CRACD: variants seen among roughly 807,000 people sequenced by gnomAD.
CRACD encodes capping protein-inhibiting regulator of actin dynamics.
In CRACD, 56 loss-of-function variants were observed where a neutral mutation model predicts 106.8. That is an observed-to-expected ratio of 0.52 (90% CI 0.42 to 0.66). CRACD has a LOEUF of 0.66. Ranked by LOEUF, CRACD falls within the 30% of genes least tolerant of loss-of-function variation. CRACD has a pLI of 0.00. For missense variants in CRACD, 1,730 were observed against 1,623.2 expected (o/e 1.07, Z -1.13); for synonymous variants, 754 against 670.8 (o/e 1.12, Z -1.92).
At chr4:56,068,113 G>C (rs1435620989) in intron 1 of CRACD, among the ~76,000 whole-genome samples, 1 of 152,162 alleles carries the variant, frequency 6.6e-6, no homozygotes, top group Non-Finnish European at 1.5e-5. Flanking sequence ...AGAAGGATCA[G>C]GCATAGGAGG....
intron 1 of CRACD, among the ~76,000 whole-genome samples, chr4:56,168,759 A>G (rs1189982672): frequency 6.6e-6 from 1 of 151,456 alleles, no homozygotes; most frequent in Non-Finnish European, 1.5e-5. Flanking sequence ...CCCTAGAAAG[A>G]CACAAAGACA....
rs558374782 is a variant in CRACD at position 56,233,124 on chromosome 4, G to T, written c.-188-39197G>T. Among the ~76,000 whole-genome samples, 7 of 116,180 alleles carry T rather than the reference G, an allele frequency of 6.0e-5. No homozygotes were observed. In the South Asian group the frequency reaches 1.7e-3, roughly 28 times the overall value. 76.2% of individuals were successfully genotyped at this position (116,180 alleles called of 152,430 possible). On this transcript the variant is annotated intron_variant, in intron 2 of 10. Coordinates refer to ENST00000682029, the MANE Select transcript of CRACD (RefSeq NM_001393381.1). ...CATTTCTTTTCTCAGTTTTTAATTAGATTATTTACTTATATTAAGTTGCGT... is the reference window on the plus strand; with the variant it reads ...CATTTCTTTTCTCAGTTTTTAATTATATTATTTACTTATATTAAGTTGCGT...
intron 3 of CRACD, among the ~76,000 whole-genome samples, chr4:56,278,171 A>G (rs899215116): frequency 6.6e-6 from 1 of 152,180 alleles, no homozygotes; most frequent in Non-Finnish European, 1.5e-5. Context: ...TAAAATTCAT[A>G]TGGAATTGCA....
intron 2 of CRACD, among the ~76,000 whole-genome samples, chr4:56,244,831 A>T (rs1740592689): frequency 6.6e-6 from 1 of 152,234 alleles, no homozygotes; most frequent in Non-Finnish European, 1.5e-5. Context: ...ATGAAGGTGG[A>T]ACACATTTCC....
At chr4:56,110,640 A>G (rs2109841840) in intron 1 of CRACD, among the ~76,000 whole-genome samples, 1 of 152,226 alleles carries the variant, frequency 6.6e-6, no homozygotes, top group Middle Eastern at 3.4e-3. Context: ...TCTGTAGCCC[A>G]GGCTGGAGTG....
At chr4:56,159,852 G>A (rs1735888922) in intron 1 of CRACD, among the ~76,000 whole-genome samples, 1 of 150,306 alleles carries the variant, frequency 6.7e-6, no homozygotes, top group Non-Finnish European at 1.5e-5. Flanking sequence ...CACAATCTAG[G>A]CTCACCGAAA....
chr4:56,092,822 G>A (rs1035894175), intron 1 of CRACD, among the ~76,000 whole-genome samples: 4 of 152,128 alleles, frequency 2.6e-5, no homozygotes, highest in African/African-American at 7.2e-5. Flanking sequence ...TCCTAGGCTC[G>A]TCTCGAACTC....
rs1732231285 is a variant in CRACD at position 56,060,374 on chromosome 4, G to A, written c.-336+11075G>A. On this transcript the variant is annotated intron_variant, in intron 1 of 10. Transcript: ENST00000682029. ...AAAGGTGCTGTGAGAGCACAGGGGAGGGAGTGAATACTCGTAACAGGGTAG... is the reference window on the plus strand; with the variant it reads ...AAAGGTGCTGTGAGAGCACAGGGGAAGGAGTGAATACTCGTAACAGGGTAG... Among the ~76,000 whole-genome samples, 3 of 152,104 alleles carry A rather than the reference G, an allele frequency of 2.0e-5. No homozygotes were observed. In the South Asian group the frequency reaches 6.2e-4, roughly 32 times the overall value.
In CRACD at chr4:56,083,582, A is replaced by G. The variant is rs563522116; in HGVS notation, c.-336+34283A>G. ...AAATAGGCTCTATTTAGAATAGAAA[A>G]ACACTTCACATTTTTTTATTTGTTA... On this transcript the variant is annotated intron_variant, in intron 1 of 10. Coordinates refer to ENST00000682029, the MANE Select transcript of CRACD (RefSeq NM_001393381.1). 1.4e-4 allele frequency among the ~76,000 whole-genome samples: 21 copies of G among 152,318 alleles called. No homozygotes were observed. The East Asian group carries it at 3.9e-3, about 28-fold the overall frequency.
At chr4:56,279,485 A>G (rs1742887307) in intron 3 of CRACD, among the ~76,000 whole-genome samples, 1 of 152,258 alleles carries the variant, frequency 6.6e-6, no homozygotes, top group Non-Finnish European at 1.5e-5. Flanking sequence ...TGGGCGAAGG[A>G]TATGAACAGA....
At chr4:56,217,961 T>C (rs1738798796) in intron 2 of CRACD, among the ~76,000 whole-genome samples, 1 of 152,196 alleles carries the variant, frequency 6.6e-6, no homozygotes, top group Admixed American at 6.5e-5. Flanking sequence ...GAGAATCTTC[T>C]TCTTGCCTCT....
intron 1 of CRACD, among the ~76,000 whole-genome samples, chr4:56,133,619 T>C (rs1734896056): frequency 6.6e-6 from 1 of 152,230 alleles, no homozygotes; most frequent in African/African-American, 2.4e-5. Context: ...ATGTCTTTCT[T>C]GTCGAACCTA....
At chr4:56,306,649 C>T (rs1335437362) in intron 4 of CRACD, among the ~76,000 whole-genome samples, 1 of 152,230 alleles carries the variant, frequency 6.6e-6, no homozygotes, top group African/African-American at 2.4e-5. Flanking sequence ...CAATTTTACC[C>T]CCCAGGGGAC....
chr4:56,221,748 A>G (rs1299421903), intron 2 of CRACD, among the ~76,000 whole-genome samples: 1 of 152,236 alleles, frequency 6.6e-6, no homozygotes, highest in South Asian at 2.1e-4. Context: ...ATTTCTCAAA[A>G]GAGGATGTAC....
At chr4:56,255,988 G>C (rs930669122) in intron 2 of CRACD, among the ~76,000 whole-genome samples, 1 of 152,182 alleles carries the variant, frequency 6.6e-6, no homozygotes, top group Non-Finnish European at 1.5e-5. Context: ...TTGCTTGAAG[G>C]GTCCTGGCTG....
chr4:56,059,363 C>A (rs530838786), intron 1 of CRACD, among the ~76,000 whole-genome samples: 48 of 152,024 alleles, frequency 3.2e-4, no homozygotes, highest in Non-Finnish European at 6.3e-4. Context: ...GTGGTCCCAG[C>A]TACTCAGGAG....
At chr4:56,214,213 C>T (rs1259791430) in intron 2 of CRACD, among the ~76,000 whole-genome samples, 2 of 152,066 alleles carry the variant, frequency 1.3e-5, no homozygotes, top group Non-Finnish European at 2.9e-5. Context: ...CTCACTGTCA[C>T]TCCACATAAT....
intron 1 of CRACD, among the ~76,000 whole-genome samples, chr4:56,140,396 C>T (rs1222255353): frequency 1.3e-5 from 2 of 152,300 alleles, no homozygotes; most frequent in Non-Finnish European, 2.9e-5. Context: ...CATGCACCTT[C>T]TATTAGAGTT....
chr4:56,186,719 A>G (rs11937296), intron 2 of CRACD, among the ~76,000 whole-genome samples: 1,805 of 152,190 alleles, frequency 0.012, 27 homozygotes, highest in African/African-American at 0.04. Context: ...TTAACAGAGA[A>G]CTGTAAGTAG....
Sources: gnomAD v4.1 joint callset for allele counts (sites outside exome capture counted in the v4.1 genomes callset) on GRCh38, gnomAD v4.1.1 for gene constraint, MANE v1.5 for transcripts, NCBI Gene and HGNC (gene_info 2026-07-23, HGNC 2026-07-21) for gene names.